Variants in FBXL17 observed in about 807,000 individuals in gnomAD.
The protein encoded by FBXL17 is F-box and leucine rich repeat protein 17.
A neutral mutation model predicts 66.2 loss-of-function variants in FBXL17; 22 were observed. The observed-to-expected ratio is 0.33, with a 90% CI of 0.24 to 0.47. FBXL17 has a LOEUF of 0.47. Ranked by LOEUF, FBXL17 falls within the 20% of genes least tolerant of loss-of-function variation. The probability of loss-of-function intolerance (pLI) is 1.00; values close to 1 mark genes in which losing one functional copy is unlikely to be tolerated. For missense variants in FBXL17, 878 were observed against 948.2 expected (o/e 0.93, Z 0.97); for synonymous variants, 474 against 400.5 (o/e 1.18, Z -2.19).
rs142745983 is a variant in FBXL17 at position 108,322,910 on chromosome 5, T to A, written c.1506+25489A>T. Among the ~76,000 whole-genome samples, 626 of 152,024 alleles carry A rather than the reference T, an allele frequency of 4.1e-3. 8 individuals carry two copies. Among genetic ancestry groups the A allele is most frequent in the African/African-American group, 0.014 (591 of 41,524 alleles). On this transcript the variant is annotated intron_variant, in intron 4 of 8. Transcript: ENST00000542267. ...TAAATGTCAATATAACATGTTCGGTTTATAGCTAGAAAATGTATAATGTGT... is the reference window on the plus strand; with the variant it reads ...TAAATGTCAATATAACATGTTCGGTATATAGCTAGAAAATGTATAATGTGT...
chr5:108,042,869 C>T (rs1215208813), intron 6 of FBXL17, among the ~76,000 whole-genome samples: 1 of 152,146 alleles, frequency 6.6e-6, no homozygotes, highest in Non-Finnish European at 1.5e-5. Flanking sequence ...TATGAGTGAT[C>T]CAGTTTCTTA....
intron 8 of FBXL17, chr5:107,878,416 T>C: frequency 6.3e-6 from 4 of 636,590 alleles, no homozygotes; most frequent in Non-Finnish European, 7.8e-6. Context: ...TTATGTATGT[T>C]AACTCATTCA....
chr5:108,100,571 C>A (rs895419425), intron 6 of FBXL17, among the ~76,000 whole-genome samples: 4 of 152,094 alleles, frequency 2.6e-5, no homozygotes, highest in Non-Finnish European at 5.9e-5. Context: ...ACTCTTTATA[C>A]CCTACCAGGA....
In FBXL17 at chr5:108,053,350, G is replaced by GA. The variant is rs935264017; in HGVS notation, c.1746-32350dup. Among the ~76,000 whole-genome samples, 217 of 151,184 alleles carry GA rather than the reference G, an allele frequency of 1.4e-3. 1 individual carries two copies. The highest frequency in any genetic ancestry group is 5.1e-3 in the African/African-American group (209 of 41,244). ...ACAAGAAACTTAAACAAATTTACAA[G>GA]AAAAAAAACAACCCTATCAAAAAGT... On this transcript the variant is annotated intron_variant, in intron 6 of 8. Coordinates refer to ENST00000542267, the MANE Select transcript of FBXL17 (RefSeq NM_001163315.3).
intron 4 of FBXL17, among the ~76,000 whole-genome samples, chr5:108,346,433 C>T (rs1747285871): frequency 6.6e-6 from 1 of 151,968 alleles, no homozygotes; most frequent in Admixed American, 6.5e-5. Context: ...TAACAAAAAC[C>T]TTAAAAACAT....
At position 108,018,202 on chromosome 5, in the gene FBXL17, G is replaced by A. The variant is rs867217248; in HGVS notation, c.1822+2723C>T. ...TAGTCTCTTAAAGGATGAATTTCCCGCTGTATCAGATGTACATCAAATTTT... is the reference window on the plus strand; with the variant it reads ...TAGTCTCTTAAAGGATGAATTTCCCACTGTATCAGATGTACATCAAATTTT... On this transcript the variant is annotated intron_variant, in intron 7 of 8. Transcript: ENST00000542267. 3.9e-5 allele frequency among the ~76,000 whole-genome samples: 6 copies of A among 152,174 alleles called. No homozygotes were observed. The Middle Eastern group carries it at 0.01, about 259-fold the overall frequency.
At chr5:108,068,753 G>A (rs528778180) in intron 6 of FBXL17, among the ~76,000 whole-genome samples, 438 of 152,162 alleles carry the variant, frequency 2.9e-3, no homozygotes, top group African/African-American at 0.01. Flanking sequence ...CACTGCGCCC[G>A]GCCAATACTC....
At chr5:108,224,681 T>G (rs1171259160) in intron 4 of FBXL17, among the ~76,000 whole-genome samples, 4 of 152,140 alleles carry the variant, frequency 2.6e-5, no homozygotes, top group Non-Finnish European at 5.9e-5. Context: ...AACCTCCGCC[T>G]CCCAGGTTCA....
intron 4 of FBXL17, among the ~76,000 whole-genome samples, chr5:108,333,089 G>A (rs999366672): frequency 1.5e-5 from 2 of 135,074 alleles, no homozygotes; most frequent in Non-Finnish European, 3.0e-5. Context: ...AATGAAAGCC[G>A]AAGCAAAACA....
chr5:108,039,420 A>G (rs1196852824), intron 6 of FBXL17, among the ~76,000 whole-genome samples: 1 of 152,120 alleles, frequency 6.6e-6, no homozygotes, highest in Non-Finnish European at 1.5e-5. Flanking sequence ...AACTAGACTT[A>G]GTAAATACTA....
intron 6 of FBXL17, among the ~76,000 whole-genome samples, chr5:108,073,460 A>G (rs1404900039): frequency 1.3e-5 from 2 of 152,088 alleles, no homozygotes; most frequent in Non-Finnish European, 2.9e-5. Context: ...ATCTACAAGG[A>G]CCCAAATTGA....
At chr5:107,964,431 C>G (rs909341217) in intron 7 of FBXL17, among the ~76,000 whole-genome samples, 3 of 151,800 alleles carry the variant, frequency 2.0e-5, no homozygotes, top group African/African-American at 7.3e-5. Context: ...AAAAAAATTA[C>G]CCAGAATGAA....
chr5:108,289,687 C>T (rs114954494), intron 4 of FBXL17, among the ~76,000 whole-genome samples: 2,306 of 152,174 alleles, frequency 0.015, 54 homozygotes, highest in African/African-American at 0.053. Context: ...GTTAGGCAGT[C>T]TGGGGTTCCA....
intron 4 of FBXL17, among the ~76,000 whole-genome samples, chr5:108,247,172 T>C (rs1166362893): frequency 6.6e-6 from 1 of 152,224 alleles, no homozygotes; most frequent in African/African-American, 2.4e-5. Flanking sequence ...AAAACGATTA[T>C]GTAAAAATTG....
chr5:107,938,773 C>A (rs181199203), intron 7 of FBXL17, among the ~76,000 whole-genome samples: 50 of 152,226 alleles, frequency 3.3e-4, no homozygotes, highest in Non-Finnish European at 6.9e-4. Context: ...TAGAAAACAG[C>A]CAGATGCTTC....
chr5:108,034,713 A>G (rs1212734915), intron 6 of FBXL17, among the ~76,000 whole-genome samples: 1 of 152,192 alleles, frequency 6.6e-6, no homozygotes, highest in East Asian at 1.9e-4. Context: ...GAGACAAACT[A>G]TTATTTTTCA....
At chr5:108,243,897 G>A (rs1404627390) in intron 4 of FBXL17, among the ~76,000 whole-genome samples, 1 of 152,158 alleles carries the variant, frequency 6.6e-6, no homozygotes, top group Non-Finnish European at 1.5e-5. Flanking sequence ...TTAAGTCTCA[G>A]AAGGGTAACA....
Position 108,166,705 on chromosome 5 carries a change from T to C in FBXL17, c.1745+19412A>G, listed in dbSNP as rs138552574. Among the ~76,000 whole-genome samples the C allele has an allele frequency of 4.3e-3, 652 of 152,298 alleles. 3 individuals are homozygous for C. The highest frequency in any genetic ancestry group is 0.015 in the African/African-American group (631 of 41,572). ...CTTGCTGGCAGAAGGCTAAATTAGC[T>C]GACCTTTGACACTACTTCCAATCAG... On this transcript the variant is annotated intron_variant, in intron 6 of 8. Coordinates refer to ENST00000542267, the MANE Select transcript of FBXL17 (RefSeq NM_001163315.3).
intron 4 of FBXL17, among the ~76,000 whole-genome samples, chr5:108,328,683 T>C (rs1759978332): frequency 6.6e-6 from 1 of 151,280 alleles, no homozygotes; most frequent in Non-Finnish European, 1.5e-5. Flanking sequence ...TTCTATATTA[T>C]TAGAATTTTA....
Sources: gnomAD v4.1 joint callset for allele counts (sites outside exome capture counted in the v4.1 genomes callset) on GRCh38, gnomAD v4.1.1 for gene constraint, MANE v1.5 for transcripts, NCBI Gene and HGNC (gene_info 2026-07-23, HGNC 2026-07-21) for gene names.